The following TGDS variants were observed in gnomAD, a reference collection of about 807,000 sequenced individuals.
The protein encoded by TGDS is TDP-glucose 4,6-dehydratase, also known as UDP-D-glucose 4,6-dehydratase.
A neutral mutation model predicts 52.3 loss-of-function variants in TGDS; 47 were observed. That is an observed-to-expected ratio of 0.90 (90% CI 0.71 to 1.15). TGDS has a LOEUF of 1.15. Ranked by LOEUF, TGDS falls within the 50% of genes most tolerant of loss-of-function variation. TGDS has a pLI of 0.00. For synonymous variants in TGDS, 115 were observed against 136.9 expected (o/e 0.84, Z 1.12); for missense variants, 375 against 418.4 (o/e 0.90, Z 0.90).
chr13:94,578,200 A>G (rs74104446), intron 8 of TGDS, 30 bp from the exon 9 acceptor site: 1 of 1,608,682 alleles, frequency 6.2e-7, no homozygotes, highest in Non-Finnish European at 8.5e-7. Flanking sequence ...TGAAATCATA[A>G]AGTGTAAAAA....
chr13:94,583,142 C>A lies in TGDS; in HGVS notation c.408G>T (p.Lys136Asn), dbSNP rs1566957668. The change falls in exon 5 of 12, where the codon AAG (lysine) becomes AAT (asparagine). Residue 136 changes from lysine to asparagine, a missense_variant. Physicochemically the swap from Lys to Asn is moderately conservative, Grantham distance 94. Transcript: ENST00000261296. The part of the protein sequence containing the change: ...VSAAHEARVE[K>N]FIYVSTDEVY... ...CTTCATCTGTGCTGACATAAATAAA[C>A]TTCTCCACTCTGGCTTCATGAGCAG... 6.2e-7 allele frequency: 1 copy of A among 1,613,842 alleles called. No homozygotes were observed. Among genetic ancestry groups the A allele is most frequent in the Non-Finnish European group, 8.5e-7 (1 of 1,179,954 alleles).
At chr13:94,583,752 TTA>T (rs1888883951) in intron 4 of TGDS, among the ~76,000 whole-genome samples, 1 of 151,980 alleles carries the variant, frequency 6.6e-6, no homozygotes, top group African/African-American at 2.4e-5. Flanking sequence ...TTTTGCATGG[TTA>T]AAAAACTAAA....
At chr13:94,582,568 C>T (rs79394794) in intron 5 of TGDS, among the ~76,000 whole-genome samples, 158 of 152,226 alleles carry the variant, frequency 1.0e-3, no homozygotes, top group African/African-American at 3.7e-3. Flanking sequence ...GTCAACTTGA[C>T]GGGATTGAAG....
chr13:94,590,806 C>T (rs548515385), intron 4 of TGDS, 47 bp downstream of exon 4: 15 of 1,432,342 alleles, frequency 1.0e-5, no homozygotes, highest in Admixed American at 5.1e-5. Context: ...GGGGCGAGGG[C>T]GGGGAGAGAA....
chr13:94,574,822 C>A lies in TGDS; in HGVS notation c.1013G>T (p.Trp338Leu). The change falls in exon 12 of 12, where the codon TGG becomes TTG. Residue 338 changes from tryptophan (W) to leucine (L), a missense_variant. Coordinates refer to ENST00000261296, the MANE Select transcript of TGDS (RefSeq NM_014305.4). The stretch of plus-strand genomic sequence containing the variant: ...TTCTAATGCCTTTTCCACATTCTTC[C>A]AGTTGTGAAAATTCTCTCTGTACCA... Reference protein sequence around the residue: ...IEWYRENFHNWKNVEKALEPF... With the variant: ...IEWYRENFHNLKNVEKALEPF... 1 of 1,604,468 alleles carries A rather than the reference C, an allele frequency of 6.2e-7. No individual in the cohort carries two copies. The highest frequency in any genetic ancestry group is 1.1e-5 in the South Asian group (1 of 90,680).
intron 10 of TGDS, among the ~76,000 whole-genome samples, 177 bp downstream of exon 10, chr13:94,577,194 A>G (rs1031873104): frequency 6.6e-6 from 1 of 152,170 alleles, no homozygotes; most frequent in Admixed American, 6.5e-5. Context: ...TAAGTCACAT[A>G]GCTAGTAAGT....
intron 3 of TGDS, 90 bp from the exon 4 acceptor site, chr13:94,591,033 A>G: frequency 1.2e-6 from 1 of 828,444 alleles, no homozygotes; most frequent in Non-Finnish European, 1.9e-6. Context: ...CCTACCTCCC[A>G]CCTCCCTGTT....
chr13:94,590,865 G>A lies in TGDS; in HGVS notation c.301C>T (p.Gln101Ter). 6.4e-7 allele frequency: 1 copy of A among 1,568,104 alleles called. No individual in the cohort carries two copies. The highest frequency in any genetic ancestry group is 8.6e-7 in the Non-Finnish European group (1 of 1,165,958). Residue 101 changes from glutamine (Q) to a stop codon, truncating the protein, a stop_gained, in exon 4 of 12, where the codon CAA (glutamine) becomes TAA (stop). Transcript: ENST00000261296. LOFTEE classifies it high-confidence loss of function. ...KIDIVLHFAA[Q>*]THVDLSFVRA... The stretch of plus-strand genomic sequence containing the variant: ...AAACAATGCTTACCTACATGTGTTT[G>A]TGCGGCAAAATGTAGTACTATATCT...
chr13:94,576,378 T>C lies in TGDS; in HGVS notation c.918A>G (p.Ser306=), dbSNP rs771282764. 3.2e-5 allele frequency: 52 copies of C among 1,603,942 alleles called. No individual in the cohort carries two copies. Among genetic ancestry groups the C allele is most frequent in the Non-Finnish European group, 1.7e-6 (2 of 1,174,940 alleles). ...TCCATCCTAAGCCATGTATTTTTTC[T>C]GACTTCATTGGGTATCTCATGTCAT... ...PTNDMRYPMK[S]EKIHGLGWRP... The change falls in exon 11 of 12, where the codon TCA becomes TCG. Residue 306 remains serine, a synonymous_variant. Transcript: ENST00000261296.
intron 5 of TGDS, among the ~76,000 whole-genome samples, chr13:94,581,975 G>A (rs951430182): frequency 5.3e-5 from 8 of 152,010 alleles, no homozygotes; most frequent in Non-Finnish European, 7.4e-5. Context: ...CGAGGCAGGC[G>A]GATCACCTGA....
At chr13:94,587,166 C>T (rs1889020309) in intron 4 of TGDS, among the ~76,000 whole-genome samples, 1 of 88,330 alleles carries the variant, frequency 1.1e-5, no homozygotes, top group Non-Finnish European at 2.3e-5. Flanking sequence ...AAAATGCATA[C>T]ATTAGAGAAA....
chr13:94,593,631 T>C (rs1889279695), intron 2 of TGDS, among the ~76,000 whole-genome samples: 2 of 152,210 alleles, frequency 1.3e-5, no homozygotes. Flanking sequence ...ACAAAAACTT[T>C]ATTTTGTGGA....
At chr13:94,582,394 C>A (rs1278746027) in intron 5 of TGDS, among the ~76,000 whole-genome samples, 3 of 152,004 alleles carry the variant, frequency 2.0e-5, no homozygotes, top group Non-Finnish European at 4.4e-5. Flanking sequence ...AATTCTCTTG[C>A]AAAATTACAA....
In TGDS at chr13:94,582,199, CA is replaced by C. The variant is rs35792308; in HGVS notation, c.456+894del. On this transcript the variant is annotated intron_variant, in intron 5 of 11. Transcript: ENST00000261296. The stretch of plus-strand genomic sequence containing the variant: ...GGCAATAAGAGCGAAACTCCCATCT[CA>C]AAAAAAAAAAAAATAGATTTTGGTT... Among the ~76,000 whole-genome samples, 437 of 138,904 alleles carry C rather than the reference CA, an allele frequency of 3.1e-3. 2 individuals carry two copies. The highest frequency in any genetic ancestry group is 7.5e-3 in the African/African-American group (273 of 36,482). The allele number at this position is 138,904 out of a possible 152,430, so 91.1% of individuals were successfully genotyped here.
At chr13:94,576,220 A>G in intron 11 of TGDS, 94 bp downstream of exon 11, 1 of 769,786 alleles carries the variant, frequency 1.3e-6, no homozygotes, top group Non-Finnish European at 2.0e-6. Context: ...GATTCAACAC[A>G]ATATTCCACT....
chr13:94,582,983 G>GTGTATT (rs1488814183), intron 5 of TGDS, 111 bp downstream of exon 5: 4 of 1,145,572 alleles, frequency 3.5e-6, no homozygotes, highest in Non-Finnish European at 5.0e-6. Flanking sequence ...ACACTCTGAA[G>GTGTATT]AGTGCCACAA....
At chr13:94,578,675 CA>C in intron 8 of TGDS, 54 bp downstream of exon 8, 4 of 1,342,114 alleles carry the variant, frequency 3.0e-6, no homozygotes, top group Non-Finnish European at 4.2e-6. Flanking sequence ...AAAGTGTCAC[CA>C]AATACTCTAA....
At chr13:94,578,838 T>A in intron 7 of TGDS, 65 bp from the exon 8 acceptor site, 1 of 995,292 alleles carries the variant, frequency 1.0e-6, no homozygotes, top group South Asian at 1.6e-5. Flanking sequence ...TCTGAACTCA[T>A]ACCAAAATTA....
intron 2 of TGDS, among the ~76,000 whole-genome samples, chr13:94,593,499 GA>G (rs201371929): frequency 1.3e-4 from 20 of 151,536 alleles, no homozygotes; most frequent in African/African-American, 4.1e-4. Context: ...TTAAAAAATA[GA>G]AAAAAAATCC....
Sources: gnomAD v4.1 joint callset for allele counts (sites outside exome capture counted in the v4.1 genomes callset) on GRCh38, gnomAD v4.1.1 for gene constraint, MANE v1.5 for transcripts, NCBI Gene and HGNC (gene_info 2026-07-23, HGNC 2026-07-21) for gene names.